DLGAP2: variants seen among roughly 807,000 people sequenced by gnomAD.
The protein encoded by DLGAP2 is DLG associated protein 2, also known as disks large-associated protein 2.
DLGAP2 carries 26 observed loss-of-function variants against 100.3 expected under a neutral mutation model. That is an observed-to-expected ratio of 0.26 (90% CI 0.19 to 0.36). The LOEUF (loss-of-function observed/expected upper bound fraction) is 0.36, where lower values mean the gene tolerates loss of function less well. Among genes scored for constraint, DLGAP2 ranks in the 10% least tolerant of loss-of-function variants. DLGAP2 has a pLI of 1.00. For synonymous variants in DLGAP2, 886 were observed against 630.1 expected (o/e 1.41, Z -6.08); for missense variants, 1,858 against 1,453.2 (o/e 1.28, Z -4.53).
chr8:1,220,950 G>A (rs1409876003), intron 2 of DLGAP2, among the ~76,000 whole-genome samples: 3 of 152,062 alleles, frequency 2.0e-5, no homozygotes, highest in East Asian at 1.9e-4. Flanking sequence ...CCATTTGCTT[G>A]ATAGATCTTT....
At chr8:854,514 A>G (rs1367606686) in intron 1 of DLGAP2, among the ~76,000 whole-genome samples, 2 of 151,552 alleles carry the variant, frequency 1.3e-5, no homozygotes, top group East Asian at 3.9e-4. Context: ...TGAGAGTGAG[A>G]GAGTGGGTGA....
At chr8:1,614,742 A>G (rs545029623) in intron 6 of DLGAP2, among the ~76,000 whole-genome samples, 2 of 152,370 alleles carry the variant, frequency 1.3e-5, no homozygotes, top group East Asian at 3.9e-4. Flanking sequence ...TTAAAATGTA[A>G]TAATGGGGAG....
chr8:1,243,220 GA>G (rs2116863407), intron 2 of DLGAP2, among the ~76,000 whole-genome samples: 1 of 152,312 alleles, frequency 6.6e-6, no homozygotes, highest in East Asian at 1.9e-4. Flanking sequence ...CTGGCCTTCA[GA>G]GAGCCTGCAG....
intron 1 of DLGAP2, among the ~76,000 whole-genome samples, chr8:793,487 C>G (rs60418207): frequency 0.012 from 1,768 of 152,266 alleles, 46 homozygotes; most frequent in African/African-American, 0.04. Context: ...TTGGCTTCCC[C>G]GCACCACGCT....
chr8:1,045,228 G>C (rs1009406925), intron 2 of DLGAP2, among the ~76,000 whole-genome samples: 1 of 152,202 alleles, frequency 6.6e-6, no homozygotes, highest in Admixed American at 6.5e-5. Context: ...TAGCTTCCCT[G>C]TTTATGAAAG....
intron 3 of DLGAP2, among the ~76,000 whole-genome samples, chr8:1,323,612 C>G (rs945893398): frequency 6.6e-6 from 1 of 152,210 alleles, no homozygotes; most frequent in African/African-American, 2.4e-5. Context: ...TACGGGGATG[C>G]AGATACGGAG....
At chr8:748,603 T>A (rs948614733) in intron 1 of DLGAP2, among the ~76,000 whole-genome samples, 1 of 152,186 alleles carries the variant, frequency 6.6e-6, no homozygotes, top group African/African-American at 2.4e-5. Flanking sequence ...CCACGCACTT[T>A]AGCTTTTTAA....
intron 1 of DLGAP2, chr8:738,702 GCTGGA>G (rs78785896): frequency 0.021 from 3,160 of 153,422 alleles, 39 homozygotes; most frequent in Middle Eastern, 0.044. Context: ...GCTGGGCTGG[GCTGGA>G]CTGGACGCCT....
At chr8:1,321,366 T>C (rs951902965) in intron 3 of DLGAP2, among the ~76,000 whole-genome samples, 1 of 152,034 alleles carries the variant, frequency 6.6e-6, no homozygotes, top group Non-Finnish European at 1.5e-5. Context: ...ATCCGTACCA[T>C]GTGCGTGCAT....
At chr8:1,154,167 G>A (rs1796740802) in intron 2 of DLGAP2, among the ~76,000 whole-genome samples, 1 of 152,156 alleles carries the variant, frequency 6.6e-6, no homozygotes, top group Admixed American at 6.5e-5. Flanking sequence ...AAGATCGAAT[G>A]CCTCGAGGTA....
chr8:787,283 C>G (rs960544382), intron 1 of DLGAP2, among the ~76,000 whole-genome samples: 2 of 152,194 alleles, frequency 1.3e-5, no homozygotes, highest in African/African-American at 4.8e-5. Context: ...CGTCTGTTCT[C>G]TCACATTTGC....
chr8:906,274 C>G (rs1410922534), intron 1 of DLGAP2, among the ~76,000 whole-genome samples: 2 of 152,218 alleles, frequency 1.3e-5, no homozygotes, highest in African/African-American at 4.8e-5. Flanking sequence ...TTGTGGGCAA[C>G]TTAGTTTAGG....
At chr8:1,163,770 C>T (rs1212430926) in intron 2 of DLGAP2, among the ~76,000 whole-genome samples, 1 of 152,182 alleles carries the variant, frequency 6.6e-6, no homozygotes, top group Non-Finnish European at 1.5e-5. Context: ...GACTTTCCTG[C>T]CTTCTGTTTT....
chr8:1,360,696 G>C (rs1054729781), intron 3 of DLGAP2, among the ~76,000 whole-genome samples: 1 of 152,042 alleles, frequency 6.6e-6, no homozygotes, highest in African/African-American at 2.4e-5. Context: ...ACACCACACC[G>C]CCCCCACCAT....
intron 1 of DLGAP2, among the ~76,000 whole-genome samples, chr8:896,621 C>T (rs1455396431): frequency 6.6e-6 from 1 of 151,992 alleles, no homozygotes; most frequent in Admixed American, 6.5e-5. Flanking sequence ...GGTGGGGCCC[C>T]CATGTTGGTA....
At chr8:1,141,100 C>G (rs1185147715) in intron 2 of DLGAP2, among the ~76,000 whole-genome samples, 1 of 152,072 alleles carries the variant, frequency 6.6e-6, no homozygotes, top group Non-Finnish European at 1.5e-5. Flanking sequence ...GTCCTGTGGA[C>G]AGTAATGATG....
Position 1,548,708 on chromosome 8 carries a change from C to G in DLGAP2, c.255C>G (p.Ser85=), listed in dbSNP as rs759970752. The change falls in exon 5 of 15, where the codon TCC becomes TCG. Residue 85 remains serine, a synonymous_variant. Transcript: ENST00000637795. ...CGCCCAGGAGCATGAAGGGCCTTTC[C>G]GGAAGTCGGACCCAGCCGCCGCTGT... The part of the protein sequence containing the change: ...SPAPRSMKGL[S]GSRTQPPLCS... The G allele has an allele frequency of 6.2e-7, 1 of 1,606,996 alleles. No individual in the cohort carries two copies. The highest frequency in any genetic ancestry group is 1.3e-5 in the African/African-American group (1 of 74,692).
At chr8:954,179 A>G (rs17667625) in intron 2 of DLGAP2, among the ~76,000 whole-genome samples, 31,130 of 152,188 alleles carry the variant, frequency 0.2, 3,419 homozygotes, top group Non-Finnish European at 0.25. Context: ...ATAATGTGGC[A>G]TTTTTAAAGT....
intron 3 of DLGAP2, among the ~76,000 whole-genome samples, chr8:1,343,813 T>G (rs1046486898): frequency 2.6e-5 from 4 of 152,036 alleles, no homozygotes; most frequent in Non-Finnish European, 4.4e-5. Context: ...CACGAGATCC[T>G]CCCTGCACGT....
Sources: allele counts gnomAD v4.1 joint callset (sites outside exome capture counted in the v4.1 genomes callset), GRCh38; gene constraint gnomAD v4.1.1; transcripts MANE v1.5; gene names NCBI Gene and HGNC (gene_info 2026-07-23, HGNC 2026-07-21).